The following SLCO2A1 variants were observed in gnomAD, a reference collection of about 807,000 sequenced individuals.
SLCO2A1 encodes solute carrier organic anion transporter family member 2A1.
SLCO2A1 carries 60 observed loss-of-function variants against 71.7 expected under a neutral mutation model. The ratio of observed to expected loss-of-function variants is 0.84; its 90% CI spans 0.68 to 1.04. The LOEUF (loss-of-function observed/expected upper bound fraction) is 1.04, where lower values mean the gene tolerates loss of function less well. Ranked by LOEUF, SLCO2A1 falls within the 50% of genes least tolerant of loss-of-function variation. SLCO2A1 has a pLI of 0.00. For synonymous variants in SLCO2A1, 308 were observed against 326.7 expected (o/e 0.94, Z 0.62); for missense variants, 745 against 813.4 (o/e 0.92, Z 1.02).
At chr3:133,985,951 C>T (rs946769212) in intron 1 of SLCO2A1, among the ~76,000 whole-genome samples, 1 of 152,200 alleles carries the variant, frequency 6.6e-6, no homozygotes, top group Non-Finnish European at 1.5e-5. Context: ...CAGCATTTGT[C>T]AGTTCAGCTG....
intron 1 of SLCO2A1, among the ~76,000 whole-genome samples, chr3:134,003,542 A>T (rs1935144640): frequency 6.6e-6 from 1 of 152,206 alleles, no homozygotes; most frequent in South Asian, 2.1e-4. Context: ...TACCCCAAGC[A>T]TGCCTTCCTC....
intron 1 of SLCO2A1, among the ~76,000 whole-genome samples, chr3:133,983,189 G>T (rs982564105): frequency 3.6e-4 from 55 of 152,144 alleles, no homozygotes; most frequent in Non-Finnish European, 6.8e-4. Context: ...AAAGAATCTG[G>T]CTGGCTCTTT....
Position 133,934,817 on chromosome 3 carries a change from G to T in SLCO2A1, c.1828C>A (p.Gln610Lys). 6.2e-7 allele frequency: 1 copy of T among 1,610,792 alleles called. No individual in the cohort carries two copies. ...DALRDRYLGL[Q>K]MGYKALGMLL... ...ATGCCCAGCGCCTTGTAGCCCATCT[G>T]CAGGCCCAGGTACCTGTGGGCAGGA... is the stretch of plus-strand genomic sequence containing the variant. The change falls in exon 14 of 14, where the codon CAG (glutamine) becomes AAG (lysine). Residue 610 changes from glutamine to lysine, a missense_variant. Transcript: ENST00000310926.
intron 1 of SLCO2A1, 136 bp from the exon 2 acceptor site, chr3:133,979,754 TC>T: frequency 2.2e-6 from 2 of 923,692 alleles, no homozygotes; most frequent in Non-Finnish European, 3.2e-6. Flanking sequence ...TCCCAGGGTC[TC>T]CAGGATGAAA....
At chr3:134,006,148 C>T (rs1053881734) in intron 1 of SLCO2A1, among the ~76,000 whole-genome samples, 1 of 152,116 alleles carries the variant, frequency 6.6e-6, no homozygotes, top group African/African-American at 2.4e-5. Flanking sequence ...CCTTGACCTC[C>T]GAGGCTCAAG....
intron 5 of SLCO2A1, among the ~76,000 whole-genome samples, chr3:133,953,114 G>A (rs758217841): frequency 6.6e-6 from 1 of 151,958 alleles, no homozygotes; most frequent in Admixed American, 6.5e-5. Context: ...TCGGCTCACT[G>A]CAAGCTCTGC....
In SLCO2A1 at chr3:133,935,767, C is replaced by T. The variant is rs2108035365; in HGVS notation, c.1814+7G>A. On this transcript the variant is annotated splice_region_variant and intron_variant, in intron 13 of 13. Transcript: ENST00000310926. ...CTCTGGGACACACATACATGATGGG[C>T]CCTCACCTGTCTCGGAGAGCATCGT... 6.3e-7 allele frequency: 1 copy of T among 1,594,380 alleles called. No homozygotes were observed. The highest frequency in any genetic ancestry group is 1.1e-5 in the South Asian group (1 of 86,986).
intron 1 of SLCO2A1, among the ~76,000 whole-genome samples, chr3:133,993,902 C>T (rs1467740900): frequency 2.0e-5 from 3 of 152,008 alleles, no homozygotes; most frequent in Admixed American, 6.6e-5. Context: ...AAGATTAAGC[C>T]CTTCTCTTCC....
chr3:133,998,418 C>A (rs1444967452), intron 1 of SLCO2A1, among the ~76,000 whole-genome samples: 1 of 152,212 alleles, frequency 6.6e-6, no homozygotes, highest in Non-Finnish European at 1.5e-5. Context: ...CTGCTCCCAC[C>A]CCTTGACCTG....
intron 1 of SLCO2A1, among the ~76,000 whole-genome samples, chr3:133,998,335 A>T (rs1935023589): frequency 6.6e-6 from 1 of 152,146 alleles, no homozygotes; most frequent in Non-Finnish European, 1.5e-5. Context: ...TCTGTTACTC[A>T]GTTAGTGTTT....
At chr3:134,006,395 G>A (rs1373785272) in intron 1 of SLCO2A1, among the ~76,000 whole-genome samples, 2 of 151,990 alleles carry the variant, frequency 1.3e-5, no homozygotes, top group African/African-American at 4.8e-5. Context: ...CGTGTTGCGC[G>A]ACCATCACCG....
intron 11 of SLCO2A1, among the ~76,000 whole-genome samples, chr3:133,938,797 G>C (rs1473430200): frequency 6.6e-6 from 1 of 152,016 alleles, no homozygotes; most frequent in Non-Finnish European, 1.5e-5. Flanking sequence ...TTACCTCCAG[G>C]AGATTCTGAT....
chr3:133,970,298 T>A (rs889161197), intron 3 of SLCO2A1, among the ~76,000 whole-genome samples: 2 of 152,064 alleles, frequency 1.3e-5, no homozygotes, highest in Non-Finnish European at 2.9e-5. Context: ...GAACTGAAAC[T>A]CAGAGCAGGG....
At chr3:133,995,312 C>A (rs1452892421) in intron 1 of SLCO2A1, among the ~76,000 whole-genome samples, 1 of 152,098 alleles carries the variant, frequency 6.6e-6, no homozygotes, top group Non-Finnish European at 1.5e-5. Flanking sequence ...CCAATGGATT[C>A]CCCCCACCTC....
At position 133,948,522 on chromosome 3, in the gene SLCO2A1, C is replaced by A; in HGVS notation, c.1105+14G>T. On this transcript the variant is annotated intron_variant, in intron 8 of 13. Coordinates refer to ENST00000310926, the MANE Select transcript of SLCO2A1 (RefSeq NM_005630.3). Reference sequence around the variant, plus strand: ...GGCAAGCCCTGCGGATCCTGCAGCACCCTCTGGGCTCACCAATGAGGAAGT... The same window carrying A: ...GGCAAGCCCTGCGGATCCTGCAGCAACCTCTGGGCTCACCAATGAGGAAGT... The A allele has an allele frequency of 2.5e-6, 4 of 1,610,138 alleles. No homozygotes were observed. Among genetic ancestry groups the A allele is most frequent in the Non-Finnish European group, 3.4e-6 (4 of 1,178,126 alleles).
rs145304945 is a variant in SLCO2A1, at chr3:133,978,743, G to A, written c.234+738C>T. On this transcript the variant is annotated intron_variant, in intron 2 of 13. Coordinates refer to ENST00000310926, the MANE Select transcript of SLCO2A1 (RefSeq NM_005630.3). The stretch of plus-strand genomic sequence containing the variant: ...AGATGGAAGCCAGCCCAGGAGCCCT[G>A]TCTCCAGACTATGGAGACAGGATGA... 1.5e-3 allele frequency among the ~76,000 whole-genome samples: 223 copies of A among 152,256 alleles called. 1 individual carries two copies. Among genetic ancestry groups the A allele is most frequent in the African/African-American group, 5.1e-3 (210 of 41,560 alleles).
chr3:133,977,798 G>A (rs1225768789), intron 2 of SLCO2A1, among the ~76,000 whole-genome samples: 1 of 152,142 alleles, frequency 6.6e-6, no homozygotes, highest in Non-Finnish European at 1.5e-5. Flanking sequence ...CAACATCGAT[G>A]AGGGTCATTC....
chr3:133,943,906 C>G (rs1457177757), intron 10 of SLCO2A1, among the ~76,000 whole-genome samples: 1 of 152,238 alleles, frequency 6.6e-6, no homozygotes, highest in Non-Finnish European at 1.5e-5. Context: ...CCCATCCCCT[C>G]CATATGGGCT....
At chr3:133,936,975 TG>T (rs1053914688) in intron 12 of SLCO2A1, among the ~76,000 whole-genome samples, 50 of 151,842 alleles carry the variant, frequency 3.3e-4, no homozygotes, top group African/African-American at 1.2e-3. Flanking sequence ...TACCCAAGAG[TG>T]GATTGTGTTC....
Sources: allele counts gnomAD v4.1 joint callset (sites outside exome capture counted in the v4.1 genomes callset), GRCh38; gene constraint gnomAD v4.1.1; transcripts MANE v1.5; gene names NCBI Gene and HGNC (gene_info 2026-07-23, HGNC 2026-07-21).